The following LEPR variants were observed in gnomAD, a reference collection of about 807,000 sequenced individuals.
The protein encoded by LEPR is leptin receptor, also known as OB receptor.
LEPR carries 56 observed loss-of-function variants against 114.7 expected under a neutral mutation model. The observed-to-expected ratio is 0.49, with a 90% CI of 0.39 to 0.61. LEPR has a LOEUF of 0.61. Ranked by LOEUF, LEPR falls within the 20% of genes least tolerant of loss-of-function variation. LEPR has a pLI of 0.00. For missense variants in LEPR, 1,202 were observed against 1,352.9 expected (o/e 0.89, Z 1.75); for synonymous variants, 443 against 461.4 (o/e 0.96, Z 0.51).
chr1:65,619,297 A>T (rs1233971514), intron 16 of LEPR, among the ~76,000 whole-genome samples: 1 of 152,030 alleles, frequency 6.6e-6, no homozygotes, highest in Non-Finnish European at 1.5e-5. Flanking sequence ...CTTCACAGAG[A>T]TCTCTCTTCT....
At chr1:65,617,830 G>A (rs867799092) in intron 15 of LEPR, 134 bp from the exon 16 acceptor site, 5 of 833,446 alleles carry the variant, frequency 6.0e-6, no homozygotes, top group East Asian at 2.8e-5. Flanking sequence ...TAATTGTCAT[G>A]TATCATATTT....
intron 3 of LEPR, among the ~76,000 whole-genome samples, chr1:65,566,242 C>T (rs1357884652): frequency 7.5e-5 from 11 of 146,984 alleles, no homozygotes; most frequent in East Asian, 2.0e-4. Flanking sequence ...CTTGCTCTGC[C>T]GCCAGACTGG....
intron 2 of LEPR, chr1:65,432,952 A>G (rs1646507234): frequency 1.0e-6 from 1 of 985,014 alleles, no homozygotes; most frequent in Non-Finnish European, 1.2e-6. Flanking sequence ...AAAATAAAAA[A>G]CAAAACATAC....
At position 65,601,311 on chromosome 1, in the gene LEPR, T is replaced by C. The variant is rs1570791027; in HGVS notation, c.995-81T>C. ...TTTGGCAGTGTAACTCTGGAATGTG[T>C]TGTGAATATTTTTCGATGTGGTACA... On this transcript the variant is annotated intron_variant, in intron 8 of 19. Transcript: ENST00000349533. The C allele has an allele frequency of 3.3e-6, 5 of 1,511,966 alleles. No individual in the cohort carries two copies. The East Asian group carries it at 1.1e-4, about 34-fold the overall frequency. 93.7% of individuals were successfully genotyped at this position (1,511,966 alleles called of 1,614,324 possible). A position where few individuals can be genotyped will look rare whatever the true frequency, so the allele number is the denominator to read the frequency against.
At chr1:65,525,743 C>G (rs974506421) in intron 2 of LEPR, 2 of 985,958 alleles carry the variant, frequency 2.0e-6, no homozygotes, top group African/African-American at 3.5e-5. Context: ...GCCAGCCGAG[C>G]GCGCGCGACG....
intron 2 of LEPR, among the ~76,000 whole-genome samples, chr1:65,538,975 T>C (rs1390887114): frequency 6.6e-6 from 1 of 151,992 alleles, no homozygotes; most frequent in Non-Finnish European, 1.5e-5. Context: ...TCCTTTCTAT[T>C]CTTTTTTTCT....
At chr1:65,533,525 G>C (rs1390789653) in intron 2 of LEPR, among the ~76,000 whole-genome samples, 1 of 151,838 alleles carries the variant, frequency 6.6e-6, no homozygotes, top group South Asian at 2.1e-4. Flanking sequence ...GATTTTTTCT[G>C]TTCTAACTGC....
chr1:65,514,407 T>G (rs1649181724), intron 2 of LEPR, among the ~76,000 whole-genome samples: 2 of 152,246 alleles, frequency 1.3e-5, no homozygotes, highest in South Asian at 4.1e-4. Flanking sequence ...AGGAAGAGCT[T>G]CCAAAGAACA....
intron 2 of LEPR, among the ~76,000 whole-genome samples, chr1:65,487,358 A>G (rs2100473320): frequency 6.6e-6 from 1 of 152,228 alleles, no homozygotes; most frequent in South Asian, 2.1e-4. Context: ...TGTTTGTCAT[A>G]TCTATTTTGA....
intron 5 of LEPR, chr1:65,577,336 C>A (rs3790426): frequency 0.22 from 33,144 of 153,120 alleles, 4,254 homozygotes; most frequent in South Asian, 0.28. Context: ...TTCATCTCGT[C>A]CTCCTTTCAA....
At chr1:65,591,751 T>C (rs1255326748) in intron 5 of LEPR, among the ~76,000 whole-genome samples, 1 of 152,068 alleles carries the variant, frequency 6.6e-6, no homozygotes, top group South Asian at 2.1e-4. Context: ...TAATTGGGTC[T>C]TTTTAATCCA....
chr1:65,570,098 A>G (rs1654051131), intron 3 of LEPR, among the ~76,000 whole-genome samples: 1 of 152,208 alleles, frequency 6.6e-6, no homozygotes, highest in South Asian at 2.1e-4. Flanking sequence ...TATCATTTAT[A>G]CTGGATATTA....
Position 65,570,484 on chromosome 1 carries a change from G to C in LEPR, c.52G>C (p.Val18Leu), listed in dbSNP as rs754188832. 8.7e-6 allele frequency: 14 copies of C among 1,613,350 alleles called. No individual in the cohort carries two copies. In the East Asian group the frequency reaches 3.1e-4, roughly 36 times the overall value. ...TAATATCCTAACAGAATTTATTTAT[G>C]TGATAACTGCGTTTAACTTGTCATA... ...VVLLHWEFIY[V>L]ITAFNLSYPI... The change falls in exon 4 of 20, where the codon GTG becomes CTG. Residue 18 changes from valine (V) to leucine (L), a missense_variant. Coordinates refer to ENST00000349533, the MANE Select transcript of LEPR (RefSeq NM_002303.6).
At chr1:65,547,888 A>C (rs1379540640) in intron 2 of LEPR, among the ~76,000 whole-genome samples, 2 of 134,366 alleles carry the variant, frequency 1.5e-5, no homozygotes, top group East Asian at 2.0e-4. Context: ...TAGTTCTTTT[A>C]ATTGTGATGT....
At chr1:65,495,333 A>G (rs758567817) in intron 2 of LEPR, among the ~76,000 whole-genome samples, 1 of 152,236 alleles carries the variant, frequency 6.6e-6, no homozygotes, top group Admixed American at 6.5e-5. Context: ...AATGCAAATC[A>G]AAACCATGAT....
At chr1:65,598,939 T>G (rs1388000356) in intron 8 of LEPR, 135 bp downstream of exon 8, 1 of 1,319,442 alleles carries the variant, frequency 7.6e-7, no homozygotes, top group Non-Finnish European at 1.0e-6. Flanking sequence ...TTGTTTAAAC[T>G]TTGAACAGGC....
intron 2 of LEPR, among the ~76,000 whole-genome samples, chr1:65,483,955 T>G (rs1209830008): frequency 6.6e-6 from 1 of 152,148 alleles, no homozygotes; most frequent in Admixed American, 6.6e-5. Flanking sequence ...CCTTTTTTTT[T>G]TGAGATAAAG....
At chr1:65,432,210 T>C in intron 2 of LEPR, 1 of 1,048,412 alleles carries the variant, frequency 9.5e-7, no homozygotes, top group Non-Finnish European at 1.1e-6. Context: ...AGCTGCCACC[T>C]TATGCAGTGC....
chr1:65,605,882 A>G (rs534234480), intron 11 of LEPR, among the ~76,000 whole-genome samples: 2 of 152,316 alleles, frequency 1.3e-5, no homozygotes, highest in East Asian at 1.9e-4. Context: ...GCTGTTACAT[A>G]TGTATAACTA....
Sources: gnomAD v4.1 joint callset for allele counts (sites outside exome capture counted in the v4.1 genomes callset) on GRCh38, gnomAD v4.1.1 for gene constraint, MANE v1.5 for transcripts, NCBI Gene and HGNC (gene_info 2026-07-23, HGNC 2026-07-21) for gene names.